Variants in CDH13 observed in about 807,000 individuals in gnomAD.
CDH13 encodes cadherin-13.
In CDH13, 24 loss-of-function variants were observed where a neutral mutation model predicts 63.8. The observed-to-expected ratio is 0.38, with a 90% CI of 0.27 to 0.53. CDH13 has a LOEUF of 0.53. Among genes scored for constraint, CDH13 ranks in the 20% least tolerant of loss-of-function variants. The probability of loss-of-function intolerance (pLI) is 0.85; values close to 1 mark genes in which losing one functional copy is unlikely to be tolerated. For synonymous variants in CDH13, 503 were observed against 355.3 expected (o/e 1.42, Z -4.67); for missense variants, 1,049 against 903.1 (o/e 1.16, Z -2.07).
chr16:82,984,799 T>C (rs1170009795), intron 2 of CDH13, among the ~76,000 whole-genome samples: 1 of 152,172 alleles, frequency 6.6e-6, no homozygotes, highest in Non-Finnish European at 1.5e-5. Context: ...TATACACACA[T>C]ACTATGCTAT....
At chr16:83,647,670 A>T (rs1292399607) in intron 8 of CDH13, among the ~76,000 whole-genome samples, 1 of 152,118 alleles carries the variant, frequency 6.6e-6, no homozygotes, top group Non-Finnish European at 1.5e-5. Context: ...ATATTCGGGG[A>T]TTATCTAGAA....
At chr16:82,990,900 T>C (rs1911579905) in intron 2 of CDH13, among the ~76,000 whole-genome samples, 1 of 152,182 alleles carries the variant, frequency 6.6e-6, no homozygotes, top group South Asian at 2.1e-4. Flanking sequence ...CTCATACATA[T>C]GTTGACTCAA....
At chr16:82,678,091 C>A (rs8060553) in intron 1 of CDH13, among the ~76,000 whole-genome samples, 2 of 152,240 alleles carry the variant, frequency 1.3e-5, no homozygotes. Context: ...ACCCTCTACA[C>A]TGGCCTCCCA....
At chr16:82,848,489 C>A (rs987543805) in intron 1 of CDH13, among the ~76,000 whole-genome samples, 1 of 151,886 alleles carries the variant, frequency 6.6e-6, no homozygotes, top group African/African-American at 2.4e-5. Context: ...ATAATTCTCC[C>A]GGTTTCTTTC....
chr16:83,633,037 G>A (rs182235664), intron 8 of CDH13, among the ~76,000 whole-genome samples: 4 of 152,220 alleles, frequency 2.6e-5, no homozygotes, highest in Non-Finnish European at 4.4e-5. Flanking sequence ...AGCATATAAT[G>A]AGCAGTGAAA....
intron 6 of CDH13, among the ~76,000 whole-genome samples, chr16:83,413,786 G>A (rs914200331): frequency 2.6e-5 from 4 of 151,988 alleles, no homozygotes; most frequent in East Asian, 1.9e-4. Flanking sequence ...TTGGGAGTTC[G>A]AGTCCAGCCT....
intron 2 of CDH13, among the ~76,000 whole-genome samples, chr16:82,949,523 T>G (rs1905082135): frequency 6.6e-6 from 1 of 152,184 alleles, no homozygotes; most frequent in Non-Finnish European, 1.5e-5. Flanking sequence ...TAAATGGGGA[T>G]CTCCTGACAG....
chr16:83,127,451 C>T (rs767583444), intron 4 of CDH13, among the ~76,000 whole-genome samples: 26 of 152,138 alleles, frequency 1.7e-4, no homozygotes, highest in Admixed American at 1.5e-3. Context: ...TGATCTTGGA[C>T]GGGCATGGTG....
At chr16:83,528,307 A>G (rs2075007499) in intron 7 of CDH13, among the ~76,000 whole-genome samples, 1 of 152,242 alleles carries the variant, frequency 6.6e-6, no homozygotes, top group Non-Finnish European at 1.5e-5. Flanking sequence ...TTTAAATGGG[A>G]AACTGTATTT....
At chr16:83,241,078 C>G (rs916739570) in intron 5 of CDH13, among the ~76,000 whole-genome samples, 1 of 152,148 alleles carries the variant, frequency 6.6e-6, no homozygotes, top group African/African-American at 2.4e-5. Flanking sequence ...TGGATTCATA[C>G]AGTATTTGTC....
chr16:82,934,608 G>T (rs1173186174), intron 2 of CDH13, among the ~76,000 whole-genome samples: 1 of 152,156 alleles, frequency 6.6e-6, no homozygotes, highest in Non-Finnish European at 1.5e-5. Flanking sequence ...GCATTGTCAG[G>T]TTGCAAATTT....
intron 6 of CDH13, among the ~76,000 whole-genome samples, chr16:83,418,721 G>C (rs186653468): frequency 6.6e-6 from 1 of 152,146 alleles, no homozygotes. Flanking sequence ...AGAATATCAT[G>C]GTGATGAGTG....
At chr16:82,806,021 C>T (rs2037120873) in intron 1 of CDH13, among the ~76,000 whole-genome samples, 1 of 152,164 alleles carries the variant, frequency 6.6e-6, no homozygotes, top group Non-Finnish European at 1.5e-5. Flanking sequence ...TTACAAGGCA[C>T]ATGGCAGGTG....
chr16:83,780,950 G>A (rs1915477580), intron 12 of CDH13, among the ~76,000 whole-genome samples: 1 of 152,188 alleles, frequency 6.6e-6, no homozygotes. Flanking sequence ...GGAAAGAGAA[G>A]TGCTAGGATA....
At chr16:83,586,599 C>T (rs1269401579) in intron 7 of CDH13, among the ~76,000 whole-genome samples, 2 of 152,176 alleles carry the variant, frequency 1.3e-5, no homozygotes, top group African/African-American at 4.8e-5. Flanking sequence ...AGAGGCTTAG[C>T]CCTTGTCAGC....
intron 13 of CDH13, among the ~76,000 whole-genome samples, chr16:83,790,860 C>T (rs1310147812): frequency 1.3e-5 from 2 of 152,226 alleles, no homozygotes; most frequent in Admixed American, 1.3e-4. Context: ...AAAAAAAGAA[C>T]TTGTCGGGAA....
At chr16:82,945,175 A>G (rs900164891) in intron 2 of CDH13, among the ~76,000 whole-genome samples, 1 of 152,224 alleles carries the variant, frequency 6.6e-6, no homozygotes, top group Admixed American at 6.5e-5. Context: ...TTGGCAAAGG[A>G]CAAGATAGTA....
In CDH13 at chr16:83,473,761, G is replaced by A. The variant is rs566040525; in HGVS notation, c.782-12716G>A. Among the ~76,000 whole-genome samples, 109 of 152,210 alleles carry A rather than the reference G, an allele frequency of 7.2e-4. No homozygotes were observed. The South Asian group carries it at 0.02, about 27-fold the overall frequency. On this transcript the variant is annotated intron_variant, in intron 6 of 13. Transcript: ENST00000567109. ...GTGTGGAGCTGAGTAGGGAAGTTGGGAGAATAAACCACACTTCCTGGGTTT... is the reference window on the plus strand; with the variant it reads ...GTGTGGAGCTGAGTAGGGAAGTTGGAAGAATAAACCACACTTCCTGGGTTT...
chr16:83,137,774 A>G (rs931963503), intron 4 of CDH13, among the ~76,000 whole-genome samples: 1 of 152,188 alleles, frequency 6.6e-6, no homozygotes, highest in African/African-American at 2.4e-5. Flanking sequence ...TTCACGGTCC[A>G]ATTACTGGTC....
Sources: gnomAD v4.1 joint callset for allele counts (sites outside exome capture counted in the v4.1 genomes callset) on GRCh38, gnomAD v4.1.1 for gene constraint, MANE v1.5 for transcripts, NCBI Gene and HGNC (gene_info 2026-07-23, HGNC 2026-07-21) for gene names.